The following S1PR2 variants were observed in gnomAD, a reference collection of about 807,000 sequenced individuals.
S1PR2 encodes sphingosine 1-phosphate receptor 2.
A neutral mutation model predicts 16.1 loss-of-function variants in S1PR2; 9 were observed. That is an observed-to-expected ratio of 0.56 (90% CI 0.34 to 0.98). The LOEUF (loss-of-function observed/expected upper bound fraction) is 0.98. Ranked by LOEUF, S1PR2 falls within the 50% of genes least tolerant of loss-of-function variation. The probability of loss-of-function intolerance (pLI) is 0.02; values close to 1 mark genes in which losing one functional copy is unlikely to be tolerated. For missense variants in S1PR2, 361 were observed against 488.4 expected (o/e 0.74, Z 2.46); for synonymous variants, 224 against 233.9 (o/e 0.96, Z 0.38).
At chr19:10,226,798 G>A (rs1310978093) in intron 1 of S1PR2, among the ~76,000 whole-genome samples, 1 of 152,032 alleles carries the variant, frequency 6.6e-6, no homozygotes, top group African/African-American at 2.4e-5. Context: ...GGATGGGAGA[G>A]ACCCCATCTG....
Position 10,223,798 on chromosome 19 carries a change from C to T in S1PR2, c.*46G>A. On this transcript the variant is annotated 3_prime_UTR_variant, in exon 2 of 2. Coordinates refer to ENST00000646641, the MANE Select transcript of S1PR2 (RefSeq NM_004230.4). ...TATCTGGGGTCACCCAGTGGCCTCT[C>T]CATGAACCCCTCTGCCCTGGCCTGG... The T allele has an allele frequency of 7.3e-6, 11 of 1,497,026 alleles. No individual in the cohort carries two copies. Among genetic ancestry groups the T allele is most frequent in the Non-Finnish European group, 9.8e-6 (11 of 1,118,522 alleles). 92.7% of individuals were successfully genotyped at this position (1,497,026 alleles called of 1,614,324 possible).
intron 1 of S1PR2, among the ~76,000 whole-genome samples, chr19:10,226,866 G>T (rs1190627480): frequency 6.6e-6 from 1 of 152,006 alleles, no homozygotes; most frequent in Non-Finnish European, 1.5e-5. Context: ...GCCGTGAAGG[G>T]GTGTGCAGCC....
rs750859739 is a variant in S1PR2 at position 10,224,326 on chromosome 19, C to T, written c.580G>A (p.Val194Met). 4 of 1,614,150 alleles carry T rather than the reference C, an allele frequency of 2.5e-6. No individual in the cohort carries two copies. Among genetic ancestry groups the T allele is most frequent in the South Asian group, 1.1e-5 (1 of 91,092 alleles). The stretch of plus-strand genomic sequence containing the variant: ...AGGATGATGGAGAAGATGGTCACCA[C>T]GCACAGCACATAATGCTTGGCGTAG... ...PLYAKHYVLC[V>M]VTIFSIILLA... Residue 194 changes from valine to methionine, a missense_variant, in exon 2 of 2, where the codon GTG (valine) becomes ATG (methionine). Physicochemically the swap from Val to Met is conservative, Grantham distance 21 (BLOSUM62 1). Transcript: ENST00000646641.
In S1PR2 at chr19:10,223,347, G is replaced by A. The variant is rs1467933618; in HGVS notation, c.*497C>T. On this transcript the variant is annotated 3_prime_UTR_variant, in exon 2 of 2. Transcript: ENST00000646641. ...TAAAGGTACAAAAAATTAGCCAGGTGTGGTGGCAGGCGCCTATAGTCCCAG... is the reference window on the plus strand; with the variant it reads ...TAAAGGTACAAAAAATTAGCCAGGTATGGTGGCAGGCGCCTATAGTCCCAG... 1 of 154,490 alleles carries A rather than the reference G, an allele frequency of 6.5e-6. No individual in the cohort carries two copies. The highest frequency in any genetic ancestry group is 1.4e-5 in the Non-Finnish European group (1 of 69,776). The allele number at this position is 154,490 out of a possible 1,614,324, so 9.6% of individuals were successfully genotyped here.
intron 1 of S1PR2, among the ~76,000 whole-genome samples, chr19:10,228,708 C>T (rs80241968): frequency 0.01 from 1,576 of 152,266 alleles, 25 homozygotes; most frequent in African/African-American, 0.037. Flanking sequence ...GCCTGTCTCC[C>T]GGTCACCTTC....
Position 10,224,966 on chromosome 19 carries a change from G to T in S1PR2, c.-42-19C>A, listed in dbSNP as rs2039623157. The T allele has an allele frequency of 7.3e-7, 1 of 1,370,428 alleles. No homozygotes were observed. Among genetic ancestry groups the T allele is most frequent in the South Asian group, 1.3e-5 (1 of 78,102 alleles). 84.9% of individuals were successfully genotyped at this position (1,370,428 alleles called of 1,614,324 possible). ...TTCAGAACTGCAGAGAAGACAGACA[G>T]ACAGACAGACAATAGGTCAGAGCTG... On this transcript the variant is annotated intron_variant, in intron 1 of 1. Transcript: ENST00000646641.
chr19:10,223,892 C>T lies in S1PR2; in HGVS notation c.1014G>A (p.Met338Ile), dbSNP rs772259151. 8 of 1,579,982 alleles carry T rather than the reference C, an allele frequency of 5.1e-6. No individual in the cohort carries two copies. The South Asian group carries it at 7.0e-5, about 14-fold the overall frequency. ...LRSSSSLERG[M>I]HMPTSPTFLE... ...GAAACGTGGGTGACGTGGGCATGTG[C>T]ATGCCCCTCTCCAGGGAGCTGGAGC... The change falls in exon 2 of 2, where the codon ATG becomes ATA. Residue 338 changes from methionine to isoleucine, a missense_variant. Physicochemically the swap from Met to Ile is conservative, Grantham distance 10. Coordinates refer to ENST00000646641, the MANE Select transcript of S1PR2 (RefSeq NM_004230.4).
At position 10,223,741 on chromosome 19, in the gene S1PR2, C is replaced by T. The variant is rs574009566; in HGVS notation, c.*103G>A. The T allele has an allele frequency of 2.5e-5, 27 of 1,060,040 alleles. No individual in the cohort carries two copies. The highest frequency in any genetic ancestry group is 8.0e-5 in the African/African-American group (5 of 62,398). The allele number at this position is 1,060,040 out of a possible 1,614,324, so 65.7% of individuals were successfully genotyped here. ...TGCAACATCACCCAGGTCTGTGGGG[C>T]GGGGGCATCTGGCTCAGTAGCCCCA... is the stretch of plus-strand genomic sequence containing the variant. On this transcript the variant is annotated 3_prime_UTR_variant, in exon 2 of 2. Transcript: ENST00000646641.
chr19:10,230,383 G>C (rs544207132), intron 1 of S1PR2: 1 of 154,704 alleles, frequency 6.5e-6, no homozygotes, highest in African/African-American at 2.4e-5. Flanking sequence ...GAAGACTGGG[G>C]GTGGGGGACC....
In S1PR2 at chr19:10,222,770, T is replaced by A. The variant is rs75737111; in HGVS notation, c.*1074A>T. On this transcript the variant is annotated 3_prime_UTR_variant, in exon 2 of 2. Transcript: ENST00000646641. ...CTCTAGCTCCTCAGGACAGTGGTTC[T>A]GTAGTCGCACGAAGTTGCCCAGAGA... 1 of 152,458 alleles carries A rather than the reference T, an allele frequency of 6.6e-6. No individual in the cohort carries two copies. Among genetic ancestry groups the A allele is most frequent in the Non-Finnish European group, 1.5e-5 (1 of 68,098 alleles). The allele number at this position is 152,458 out of a possible 1,614,324, so 9.4% of individuals were successfully genotyped here. A position where few individuals can be genotyped will look rare whatever the true frequency, so the allele number is the denominator to read the frequency against.
intron 1 of S1PR2, among the ~76,000 whole-genome samples, chr19:10,225,650 G>A (rs893247913): frequency 2.0e-5 from 3 of 151,532 alleles, no homozygotes; most frequent in South Asian, 2.1e-4. Flanking sequence ...CGCCTGCCTC[G>A]GCCTCTCAAA....
At chr19:10,225,715 GT>G (rs1332294580) in intron 1 of S1PR2, among the ~76,000 whole-genome samples, 1 of 151,616 alleles carries the variant, frequency 6.6e-6, no homozygotes, top group Non-Finnish European at 1.5e-5. Flanking sequence ...TAGTTTTTTT[GT>G]TTTTTAGAGA....
chr19:10,223,168 C>CAAAAAAAAAAAAAAAAAAAA lies in S1PR2; in HGVS notation c.*656_*675dup, dbSNP rs779228186. On this transcript the variant is annotated 3_prime_UTR_variant, in exon 2 of 2. Transcript: ENST00000646641. ...TGGGCAACAGAGCGAGACTTCATCT[C>CAAAAAAAAAAAAAAAAAAAA]AAAAAAAAAAAAAAAAAAAAAAAAA... is the stretch of plus-strand genomic sequence containing the variant. The CAAAAAAAAAAAAAAAAAAAA allele has an allele frequency of 3.2e-5, 1 of 31,342 alleles. No individual in the cohort carries two copies. The highest frequency in any genetic ancestry group is 1.8e-4 in the African/African-American group (1 of 5,500). The allele number at this position is 31,342 out of a possible 1,614,324, so 1.9% of individuals were successfully genotyped here.
intron 1 of S1PR2, among the ~76,000 whole-genome samples, chr19:10,225,855 T>A (rs1282167561): frequency 1.3e-5 from 2 of 151,984 alleles, no homozygotes; most frequent in African/African-American, 4.8e-5. Context: ...TTCATTATTA[T>A]TTTCTAGAGA....
Position 10,224,477 on chromosome 19 carries a change from G to C in S1PR2, c.429C>G (p.Asp143Glu). 1 of 1,613,852 alleles carries C rather than the reference G, an allele frequency of 6.2e-7. No individual in the cohort carries two copies. Among genetic ancestry groups the C allele is most frequent in the Non-Finnish European group, 8.5e-7 (1 of 1,180,036 alleles). Reference protein sequence around the residue: ...AIAKVKLYGSDKSCRMLLLIG... With the variant: ...AIAKVKLYGSEKSCRMLLLIG... ...TGAGCAGAAGCATGCGGCAGCTCTT[G>C]TCGCTGCCATACAGCTTGACCTTGG... is the stretch of plus-strand genomic sequence containing the variant. Residue 143 changes from aspartate to glutamate, a missense_variant, in exon 2 of 2, where the codon GAC (aspartate) becomes GAG (glutamate). Physicochemically the swap from Asp to Glu is conservative, Grantham distance 45. Coordinates refer to ENST00000646641, the MANE Select transcript of S1PR2 (RefSeq NM_004230.4).
In S1PR2 at chr19:10,228,138, CAAAA is replaced by C. The variant is rs141807915; in HGVS notation, c.-43+3062_-43+3065del. 7.5e-3 allele frequency among the ~76,000 whole-genome samples: 737 copies of C among 97,654 alleles called. 3 individuals carry two copies. The highest frequency in any genetic ancestry group is 0.011 in the Middle Eastern group (2 of 184). The allele number at this position is 97,654 out of a possible 152,430, so 64.1% of individuals were successfully genotyped here. A position where few individuals can be genotyped will look rare whatever the true frequency, so the allele number is the denominator to read the frequency against. On this transcript the variant is annotated intron_variant, in intron 1 of 1. Coordinates refer to ENST00000646641, the MANE Select transcript of S1PR2 (RefSeq NM_004230.4). ...CAACATGGTAAAACCCCCCTCTACT[CAAAA>C]AAAAAAAAAAAAAAAAAAAATTAGC... is the stretch of plus-strand genomic sequence containing the variant.
chr19:10,225,390 A>ATTTTTTTTTTTTTTTTTTT, intron 1 of S1PR2, among the ~76,000 whole-genome samples: 1 of 80,592 alleles, frequency 1.2e-5, no homozygotes, highest in Non-Finnish European at 2.2e-5. Context: ...CGCCTGGCTA[A>ATTTTTTTTTTTTTTTTTTT]TTTTTTTTTT....
chr19:10,230,501 A>G (rs2039666434), intron 1 of S1PR2: 1 of 154,518 alleles, frequency 6.5e-6, no homozygotes, highest in Non-Finnish European at 1.5e-5. Context: ...AAGGACAGAG[A>G]CAGAGGAGGG....
rs146093510 is a variant in S1PR2, at chr19:10,228,236, C to T, written c.-43+2968G>A. On this transcript the variant is annotated intron_variant, in intron 1 of 1. Coordinates refer to ENST00000646641, the MANE Select transcript of S1PR2 (RefSeq NM_004230.4). ...CTGAAGCAGGAGAATCGCTTGAACC[C>T]GGGAGGCAGAGGTTGCAGTGAGCCA... 7.1e-3 allele frequency among the ~76,000 whole-genome samples: 1,074 copies of T among 151,990 alleles called. 14 individuals carry two copies. The highest frequency in any genetic ancestry group is 0.024 in the African/African-American group (986 of 41,444).
Sources: allele counts gnomAD v4.1 joint callset (sites outside exome capture counted in the v4.1 genomes callset), GRCh38; gene constraint gnomAD v4.1.1; transcripts MANE v1.5; gene names NCBI Gene and HGNC (gene_info 2026-07-23, HGNC 2026-07-21).